Variants in DNAH9 observed in about 807,000 individuals in gnomAD.
DNAH9 encodes the protein dynein axonemal heavy chain 9.
Under a neutral mutation model 471.6 loss-of-function variants are expected in DNAH9, and 345 were observed. That is an observed-to-expected ratio of 0.73 (90% confidence interval 0.67 to 0.80). The LOEUF is 0.80. Ranked by LOEUF, DNAH9 falls within the 30% of genes least tolerant of loss-of-function variation. DNAH9 has a pLI of 0.00. For missense variants in DNAH9, 5,407 were observed against 5,609.2 expected (o/e 0.96, Z 1.15); for synonymous variants, 2,093 against 2,123.6 (o/e 0.99, Z 0.40).
chr17:11,912,288 C>T (rs1259335322), intron 61 of DNAH9, among the ~76,000 whole-genome samples: 2 of 151,946 alleles, frequency 1.3e-5, no homozygotes, highest in Non-Finnish European at 2.9e-5. Flanking sequence ...AAGTGCTATC[C>T]TCATATGTTC....
rs528228343 is a variant in DNAH9 at position 11,629,673 on chromosome 17, C to T, written c.1518+89C>T. Reference sequence around the variant, plus strand: ...GTCTAGGTATTTACTTGCATTTTCCCTGTGTATTTCCTTTGGCTCTGTGGT... The same window carrying T: ...GTCTAGGTATTTACTTGCATTTTCCTTGTGTATTTCCTTTGGCTCTGTGGT... On this transcript the variant is annotated intron_variant, in intron 7 of 68. Coordinates refer to ENST00000262442, the MANE Select transcript of DNAH9 (RefSeq NM_001372.4). The T allele has an allele frequency of 4.5e-5, 54 of 1,212,350 alleles. 1 individual carries two copies. In the African/African-American group the frequency reaches 7.3e-4, roughly 16 times the overall value. 75.1% of individuals were successfully genotyped at this position (1,212,350 alleles called of 1,614,324 possible).
At position 11,651,135 on chromosome 17, in the gene DNAH9, G is replaced by A. The variant is rs772685602; in HGVS notation, c.2164G>A (p.Ala722Thr). 2 of 1,614,060 alleles carry A rather than the reference G, an allele frequency of 1.2e-6. No individual in the cohort carries two copies. Among genetic ancestry groups the A allele is most frequent in the Admixed American group, 3.3e-5 (2 of 60,022 alleles). Residue 722 changes from alanine to threonine, a missense_variant, in exon 13 of 69, where the codon GCA becomes ACA. Physicochemically the swap from Ala to Thr is moderately conservative, Grantham distance 58. This residue lies in a region of DNAH9 where 4,636 missense variants were observed against 4,900.3 expected (regional missense o/e 0.95). Coordinates refer to ENST00000262442, the MANE Select transcript of DNAH9 (RefSeq NM_001372.4). Reference sequence around the variant, plus strand: ...AGAGATGAAACACATGCCTGAGACAGCAGCAGCCATGTTCTCCTCCAGGGA... The same window carrying A: ...AGAGATGAAACACATGCCTGAGACAACAGCAGCCATGTTCTCCTCCAGGGA... ...PREMKHMPET[A>T]AAMFSSRDFY...
At chr17:11,652,311 A>G (rs2073527303) in intron 13 of DNAH9, among the ~76,000 whole-genome samples, 1 of 112,136 alleles carries the variant, frequency 8.9e-6, no homozygotes, top group Non-Finnish European at 1.7e-5. Context: ...TTTGAGACAG[A>G]GTCTCGCTCT....
At chr17:11,918,981 C>T (rs1256431129) in intron 61 of DNAH9, among the ~76,000 whole-genome samples, 1 of 151,716 alleles carries the variant, frequency 6.6e-6, no homozygotes, top group African/African-American at 2.4e-5. Context: ...CGAGAAACTC[C>T]ATCTCAAAAA....
At chr17:11,718,480 A>G (rs1337878712) in intron 26 of DNAH9, among the ~76,000 whole-genome samples, 1 of 152,184 alleles carries the variant, frequency 6.6e-6, no homozygotes, top group Non-Finnish European at 1.5e-5. Context: ...CTAGGAGGGG[A>G]GTTGCTGAAT....
At position 11,756,620 on chromosome 17, in the gene DNAH9, T is replaced by C; in HGVS notation, c.6791T>C (p.Leu2264Pro). 6.2e-7 allele frequency: 1 copy of C among 1,613,802 alleles called. No individual in the cohort carries two copies. The highest frequency in any genetic ancestry group is 8.5e-7 in the Non-Finnish European group (1 of 1,179,892). ...ATTCCTCTGAACCCCACCATGAAGCTCCTCTTTGAGATCAGCCACCTGCGC... is the reference window on the plus strand; with the variant it reads ...ATTCCTCTGAACCCCACCATGAAGCCCCTCTTTGAGATCAGCCACCTGCGC... Reference protein sequence around the residue: ...ERIPLNPTMKLLFEISHLRTA... With the variant: ...ERIPLNPTMKPLFEISHLRTA... The change falls in exon 34 of 69, where the codon CTC (leucine) becomes CCC (proline). Residue 2264 changes from leucine to proline, a missense_variant. This residue lies in a region of DNAH9 where 4,636 missense variants were observed against 4,900.3 expected (regional missense o/e 0.95). Transcript: ENST00000262442.
chr17:11,613,331 T>C (rs1262331674), intron 4 of DNAH9, among the ~76,000 whole-genome samples: 1 of 152,220 alleles, frequency 6.6e-6, no homozygotes, highest in African/African-American at 2.4e-5. Flanking sequence ...AAAAAAAATA[T>C]GTTAAAGGGG....
chr17:11,907,038 T>C (rs558865534), intron 61 of DNAH9, among the ~76,000 whole-genome samples: 20 of 152,190 alleles, frequency 1.3e-4, no homozygotes, highest in Admixed American at 1.1e-3. Context: ...AAAAATAGAA[T>C]ATTCAGCATG....
chr17:11,745,349 C>G (rs1023669939), intron 31 of DNAH9, among the ~76,000 whole-genome samples: 5 of 152,188 alleles, frequency 3.3e-5, no homozygotes, highest in Non-Finnish European at 7.3e-5. Context: ...TGCCAACTAT[C>G]TGCTCACTCA....
chr17:11,963,988 C>T (rs1039099417), intron 68 of DNAH9, among the ~76,000 whole-genome samples: 1 of 152,150 alleles, frequency 6.6e-6, no homozygotes, highest in African/African-American at 2.4e-5. Flanking sequence ...GTTTCTGCTT[C>T]AGAACCTCCA....
chr17:11,869,273 G>A lies in DNAH9; in HGVS notation c.10053+20G>A, dbSNP rs9915961. ...CGCCTGGTGAGTGTAAGCCACAGCA[G>A]CCCGAGCTGTAATTATATTAGCAGG... is the stretch of plus-strand genomic sequence containing the variant. On this transcript the variant is annotated intron_variant, in intron 51 of 68. Transcript: ENST00000262442. 9,305 of 1,610,850 alleles carry A rather than the reference G, an allele frequency of 5.8e-3. 405 individuals are homozygous for A. In the African/African-American group the frequency reaches 0.1, roughly 17 times the overall value.
intron 7 of DNAH9, 39 bp from the exon 8 acceptor site, chr17:11,632,548 A>G (rs759943700): frequency 2.8e-6 from 3 of 1,064,744 alleles, no homozygotes; most frequent in Non-Finnish European, 4.4e-6. Flanking sequence ...GGCTTACAGA[A>G]AATTACGTTT....
At chr17:11,930,604 G>C (rs1974474468) in intron 63 of DNAH9, among the ~76,000 whole-genome samples, 1 of 152,038 alleles carries the variant, frequency 6.6e-6, no homozygotes. Context: ...AGCAGCATCA[G>C]CATCACCTGG....
At chr17:11,689,527 G>A in intron 19 of DNAH9, 39 bp from the exon 20 acceptor site, 1 of 1,557,252 alleles carries the variant, frequency 6.4e-7, no homozygotes. Flanking sequence ...ATGGGCCCCT[G>A]CGTGCCATAC....
At position 11,962,323 on chromosome 17, in the gene DNAH9, A is replaced by C. The variant is rs1976276490; in HGVS notation, c.13233+67A>C. On this transcript the variant is annotated intron_variant, in intron 68 of 68. Transcript: ENST00000262442. This position sits in a 1 kb window ranked among gnomAD's most constrained non-coding sequence, Gnocchi z 4.1. ...GATTAAATACACATTGCTTCCTATG[A>C]AGTGTGACTACTAAAAGAGATATTC... 1 of 1,505,142 alleles carries C rather than the reference A, an allele frequency of 6.6e-7. No homozygotes were observed. The highest frequency in any genetic ancestry group is 2.2e-5 in the Admixed American group (1 of 44,920). The allele number at this position is 1,505,142 out of a possible 1,614,324, so 93.2% of individuals were successfully genotyped here.
chr17:11,747,183 T>C (rs929117724), intron 31 of DNAH9, among the ~76,000 whole-genome samples: 1 of 152,184 alleles, frequency 6.6e-6, no homozygotes. Flanking sequence ...TCCTCTCTGT[T>C]TCCACAGCAC....
intron 50 of DNAH9, among the ~76,000 whole-genome samples, chr17:11,857,515 A>G (rs984729607): frequency 6.6e-6 from 1 of 152,100 alleles, no homozygotes; most frequent in African/African-American, 2.4e-5. Context: ...TCACATACAC[A>G]CACCCAAGTC....
chr17:11,716,288 C>T (rs935092040), intron 26 of DNAH9, among the ~76,000 whole-genome samples: 1 of 152,020 alleles, frequency 6.6e-6, no homozygotes, highest in Non-Finnish European at 1.5e-5. Context: ...ACCATGTTGA[C>T]CAGGCTGGTC....
At position 11,669,261 on chromosome 17, in the gene DNAH9, G is replaced by A. The variant is rs776395665; in HGVS notation, c.2928+1G>A. On this transcript the variant is annotated splice_donor_variant, in intron 16 of 68. Transcript: ENST00000262442. LOFTEE classifies it high-confidence loss of function. Reference sequence around the variant, plus strand: ...ACAAAATGGCTCTCCTCACTATCAGGTACTGGAGCTGCAGCCATCCTGCCC... The same window carrying A: ...ACAAAATGGCTCTCCTCACTATCAGATACTGGAGCTGCAGCCATCCTGCCC... 7.4e-6 allele frequency: 12 copies of A among 1,611,574 alleles called. No homozygotes were observed. Among genetic ancestry groups the A allele is most frequent in the Admixed American group, 3.3e-5 (2 of 59,928 alleles).
Sources: allele counts gnomAD v4.1 joint callset (sites outside exome capture counted in the v4.1 genomes callset), GRCh38; gene constraint gnomAD v4.1.1; regional missense constraint gnomAD v4.1.1; non-coding constraint Gnocchi (gnomAD v3.1); transcripts MANE v1.5; gene names NCBI Gene and HGNC (gene_info 2026-07-23, HGNC 2026-07-21).